Variants in NLGN1 observed in about 807,000 individuals in gnomAD.
The protein encoded by NLGN1 is neuroligin-1.
In NLGN1, 12 loss-of-function variants were observed where a neutral mutation model predicts 65.5. The observed-to-expected ratio is 0.18, with a 90% CI of 0.12 to 0.30. The LOEUF is 0.30. Ranked by LOEUF, NLGN1 falls within the 10% of genes least tolerant of loss-of-function variation. The probability of loss-of-function intolerance (pLI) is 1.00; values close to 1 mark genes in which losing one functional copy is unlikely to be tolerated. For missense variants in NLGN1, 750 were observed against 1,007.1 expected (o/e 0.74, Z 3.46); for synonymous variants, 350 against 359.5 (o/e 0.97, Z 0.30).
At chr3:174,014,246 A>C (rs1046988868) in intron 4 of NLGN1, among the ~76,000 whole-genome samples, 1 of 152,184 alleles carries the variant, frequency 6.6e-6, no homozygotes. Flanking sequence ...TGTAAACTAC[A>C]TTGTTGTGTT....
chr3:173,790,158 A>G (rs941919189), intron 3 of NLGN1, among the ~76,000 whole-genome samples: 1 of 152,004 alleles, frequency 6.6e-6, no homozygotes, highest in Non-Finnish European at 1.5e-5. Flanking sequence ...AAATATATAT[A>G]TGTGTGTATA....
chr3:174,223,714 G>A (rs549768815), intron 4 of NLGN1, among the ~76,000 whole-genome samples: 8 of 152,116 alleles, frequency 5.3e-5, no homozygotes, highest in East Asian at 3.9e-4. Context: ...AAACTTTATC[G>A]CCTGCTGCTC....
At chr3:174,181,637 G>A (rs1730431066) in intron 4 of NLGN1, among the ~76,000 whole-genome samples, 1 of 152,022 alleles carries the variant, frequency 6.6e-6, no homozygotes, top group Admixed American at 6.6e-5. Flanking sequence ...TAGAAAAAAT[G>A]TCTATAGTCA....
intron 2 of NLGN1, among the ~76,000 whole-genome samples, chr3:173,454,466 A>T (rs1474013647): frequency 1.3e-5 from 2 of 152,222 alleles, no homozygotes; most frequent in African/African-American, 4.8e-5. Context: ...AAAGCCTACA[A>T]GCCAGGCTTA....
Position 174,022,053 on chromosome 3 carries a change from C to T in NLGN1, c.646+214221C>T, listed in dbSNP as rs539806737. Among the ~76,000 whole-genome samples, 75 of 152,138 alleles carry T rather than the reference C, an allele frequency of 4.9e-4. No individual in the cohort carries two copies. The South Asian group carries it at 9.3e-3, about 19-fold the overall frequency. On this transcript the variant is annotated intron_variant, in intron 4 of 6. Coordinates refer to ENST00000457714, the Ensembl canonical transcript of NLGN1. ...AGGCTGTGTTGCCTTGGTGTTCTGC[C>T]GATGACCTGTAGTTAGTGGAGATCT...
chr3:173,928,357 C>T, intron 4 of NLGN1, among the ~76,000 whole-genome samples: 1 of 152,164 alleles, frequency 6.6e-6, no homozygotes. Flanking sequence ...ACATTATCTT[C>T]TGTGATCATG....
intron 3 of NLGN1, among the ~76,000 whole-genome samples, chr3:173,748,378 G>A (rs1775838296): frequency 6.6e-6 from 1 of 152,070 alleles, no homozygotes; most frequent in Non-Finnish European, 1.5e-5. Flanking sequence ...TATCTACTGG[G>A]TATGTGCAGA....
chr3:173,559,106 G>A (rs1004175459), intron 2 of NLGN1, among the ~76,000 whole-genome samples: 1 of 152,094 alleles, frequency 6.6e-6, no homozygotes, highest in African/African-American at 2.4e-5. Context: ...GGAAGTCATT[G>A]GGCTGAAGTT....
At chr3:173,835,557 G>C (rs1164968707) in intron 4 of NLGN1, among the ~76,000 whole-genome samples, 1 of 124,108 alleles carries the variant, frequency 8.1e-6, no homozygotes, top group East Asian at 2.2e-4. Flanking sequence ...TAATATATAT[G>C]GATAATAATA....
At chr3:173,977,700 G>A (rs568533198) in intron 4 of NLGN1, among the ~76,000 whole-genome samples, 17 of 152,006 alleles carry the variant, frequency 1.1e-4, no homozygotes, top group African/African-American at 3.9e-4. Context: ...AAGGAAAATC[G>A]TGCATTCATT....
intron 1 of NLGN1, chr3:173,399,814 T>A (rs1302683069): frequency 6.6e-6 from 1 of 152,226 alleles, no homozygotes; most frequent in African/African-American, 2.4e-5. Context: ...GTTATAAATC[T>A]GAGATCTGAG....
chr3:173,923,359 G>T (rs937873342), intron 4 of NLGN1, among the ~76,000 whole-genome samples: 21 of 152,118 alleles, frequency 1.4e-4, no homozygotes, highest in African/African-American at 4.6e-4. Flanking sequence ...AAGGAATTGA[G>T]ATCTGCATCT....
At chr3:174,195,649 A>G (rs7610874) in intron 4 of NLGN1, among the ~76,000 whole-genome samples, 79,653 of 152,034 alleles carry the variant, frequency 0.52, 21,767 homozygotes, top group East Asian at 0.83. Flanking sequence ...TGTGCACAAG[A>G]AATATTCTTG....
At chr3:173,457,407 A>G (rs924780874) in intron 2 of NLGN1, among the ~76,000 whole-genome samples, 1 of 152,098 alleles carries the variant, frequency 6.6e-6, no homozygotes, top group African/African-American at 2.4e-5. Flanking sequence ...AAGCATAAAG[A>G]CAAGTGTGAC....
chr3:173,876,746 A>G (rs961689638), intron 4 of NLGN1, among the ~76,000 whole-genome samples: 3 of 152,232 alleles, frequency 2.0e-5, no homozygotes, highest in African/African-American at 7.2e-5. Context: ...AACATTATAA[A>G]TAGCATAAAC....
intron 4 of NLGN1, among the ~76,000 whole-genome samples, chr3:174,105,565 A>G (rs1314387573): frequency 2.0e-5 from 3 of 151,998 alleles, no homozygotes; most frequent in Non-Finnish European, 4.4e-5. Flanking sequence ...ACAAGCAAGC[A>G]AAACCAGAAA....
At position 174,105,044 on chromosome 3, in the gene NLGN1, G is replaced by A. The variant is rs554009298; in HGVS notation, c.647-170271G>A. Among the ~76,000 whole-genome samples, 33 of 152,172 alleles carry A rather than the reference G, an allele frequency of 2.2e-4. No individual in the cohort carries two copies. In the South Asian group the frequency reaches 4.2e-3, roughly 19 times the overall value. On this transcript the variant is annotated intron_variant, in intron 4 of 6. Coordinates refer to ENST00000457714, the Ensembl canonical transcript of NLGN1. ...CAGCAAACATGGAAAAGAATGAGTC[G>A]TCACAGAGTTCAGTGAGGAAGTTAT...
intron 3 of NLGN1, among the ~76,000 whole-genome samples, chr3:173,773,117 G>A (rs773572494): frequency 4.5e-4 from 68 of 152,182 alleles, no homozygotes; most frequent in Non-Finnish European, 7.9e-4. Flanking sequence ...CAGCCCCACT[G>A]CCATAACCCA....
intron 2 of NLGN1, among the ~76,000 whole-genome samples, chr3:173,463,803 CA>C: frequency 6.6e-6 from 1 of 152,242 alleles, no homozygotes; most frequent in African/African-American, 2.4e-5. Context: ...GCATTAAATA[CA>C]CTTGCAAAAG....
Sources: allele counts gnomAD v4.1 joint callset (sites outside exome capture counted in the v4.1 genomes callset), GRCh38; gene constraint gnomAD v4.1.1; transcripts MANE v1.5; gene names NCBI Gene and HGNC (gene_info 2026-07-23, HGNC 2026-07-21).